The following JPH3 variants were observed in gnomAD, a reference collection of about 807,000 sequenced individuals.
JPH3 encodes the protein junctophilin 3.
JPH3 carries 11 observed loss-of-function variants against 59.6 expected under a neutral mutation model. The observed-to-expected ratio is 0.18, with a 90% confidence interval of 0.12 to 0.31. The LOEUF (loss-of-function observed/expected upper bound fraction) is 0.31. JPH3 is among the 10% of genes least tolerant of loss of function. The probability of loss-of-function intolerance (pLI) is 1.00; values close to 1 mark genes in which losing one functional copy is unlikely to be tolerated. For synonymous variants in JPH3, 673 were observed against 483.6 expected (o/e 1.39, Z -5.14); for missense variants, 1,202 against 1,105.7 (o/e 1.09, Z -1.24).
At chr16:87,604,543 C>A (rs529160036) in intron 1 of JPH3, 1 of 1,257,806 alleles carries the variant, frequency 8.0e-7, no homozygotes, top group South Asian at 1.5e-5. Flanking sequence ...TCGGGCGGCT[C>A]GCCTGTTTCA....
At chr16:87,647,028 G>A in intron 2 of JPH3, among the ~76,000 whole-genome samples, 1 of 152,326 alleles carries the variant, frequency 6.6e-6, no homozygotes, top group Middle Eastern at 3.4e-3. Context: ...TCCAAGGCAG[G>A]TTGTCAGCCT....
chr16:87,604,136 G>C (rs2030387978), intron 1 of JPH3: 3 of 1,350,342 alleles, frequency 2.2e-6, no homozygotes, highest in Non-Finnish European at 2.9e-6. Flanking sequence ...CTGGAGGGAG[G>C]AGGGAGGCCC....
chr16:87,661,701 C>G (rs950197943), intron 2 of JPH3, among the ~76,000 whole-genome samples: 6 of 152,226 alleles, frequency 3.9e-5, no homozygotes, highest in Non-Finnish European at 7.3e-5. Context: ...AAGACCCGTC[C>G]AAGAGCAGGG....
chr16:87,673,081 G>A (rs1293644111), intron 2 of JPH3, among the ~76,000 whole-genome samples: 3 of 152,062 alleles, frequency 2.0e-5, no homozygotes, highest in African/African-American at 7.2e-5. Flanking sequence ...AGGAGGCGGA[G>A]GTTGCAGTGG....
intron 2 of JPH3, among the ~76,000 whole-genome samples, chr16:87,679,202 G>T (rs1052570856): frequency 6.6e-6 from 1 of 152,132 alleles, no homozygotes; most frequent in Admixed American, 6.5e-5. Flanking sequence ...GGACCTGCCC[G>T]TGGCCTGGAC....
chr16:87,676,098 T>A (rs1238466104), intron 2 of JPH3, among the ~76,000 whole-genome samples: 1 of 152,254 alleles, frequency 6.6e-6, no homozygotes, highest in Non-Finnish European at 1.5e-5. Context: ...TCAGTAAATG[T>A]GCTAAAAACC....
In JPH3 at chr16:87,671,041, C is replaced by T. The variant is rs536223974; in HGVS notation, c.1161-13101C>T. ...CTGGGGCTGTGGCCCGTACAGTCGC[C>T]CGGGACCCATGCCCAGCAGGGCCCT... On this transcript the variant is annotated intron_variant, in intron 2 of 4. Coordinates refer to ENST00000284262, the MANE Select transcript of JPH3 (RefSeq NM_020655.4). Among the ~76,000 whole-genome samples the T allele has an allele frequency of 1.1e-3, 163 of 152,308 alleles. 1 individual carries two copies. Among genetic ancestry groups the T allele is most frequent in the Non-Finnish European group, 1.9e-3 (131 of 68,004 alleles).
intron 2 of JPH3, among the ~76,000 whole-genome samples, chr16:87,675,024 A>C (rs1204285107): frequency 1.3e-5 from 2 of 152,140 alleles, no homozygotes; most frequent in Non-Finnish European, 2.9e-5. Flanking sequence ...GGCCTCCCAA[A>C]GTGCTGGGAT....
rs145277780 is a variant in JPH3, at chr16:87,672,555, T to C, written c.1161-11587T>C. Among the ~76,000 whole-genome samples, 105 of 152,246 alleles carry C rather than the reference T, an allele frequency of 6.9e-4. 1 individual carries two copies. The highest frequency in any genetic ancestry group is 2.4e-3 in the African/African-American group (100 of 41,552). The stretch of plus-strand genomic sequence containing the variant: ...GCCGTCCATCACTTTCATCCTGTAT[T>C]GGGGGAGAACGGGGCTTGCTTGAGG... On this transcript the variant is annotated intron_variant, in intron 2 of 4. Coordinates refer to ENST00000284262, the MANE Select transcript of JPH3 (RefSeq NM_020655.4).
chr16:87,678,172 T>C (rs1277985251), intron 2 of JPH3, among the ~76,000 whole-genome samples: 1 of 152,082 alleles, frequency 6.6e-6, no homozygotes, highest in Non-Finnish European at 1.5e-5. Flanking sequence ...GCCCAGGAGT[T>C]CAAGACTGTG....
chr16:87,651,918 C>T (rs1251089885), intron 2 of JPH3, among the ~76,000 whole-genome samples: 1 of 152,126 alleles, frequency 6.6e-6, no homozygotes, highest in Non-Finnish European at 1.5e-5. Context: ...TCACATGCTA[C>T]AGAGAAATCT....
intron 1 of JPH3, among the ~76,000 whole-genome samples, chr16:87,622,811 C>T (rs926909492): frequency 6.6e-6 from 1 of 152,056 alleles, no homozygotes; most frequent in South Asian, 2.1e-4. Flanking sequence ...GGAGCGTGGG[C>T]TGGGGCTGGG....
chr16:87,603,056 C>T lies in JPH3; in HGVS notation c.-91C>T, dbSNP rs2030318773. 3.2e-6 allele frequency: 5 copies of T among 1,540,864 alleles called. No individual in the cohort carries two copies. Among genetic ancestry groups the T allele is most frequent in the East Asian group, 4.6e-5 (2 of 43,224 alleles). On this transcript the variant is annotated 5_prime_UTR_variant, in exon 1 of 5. Coordinates refer to ENST00000284262, the MANE Select transcript of JPH3 (RefSeq NM_020655.4). Reference sequence around the variant, plus strand: ...CCTCCTCTCCTCCGGAAAACGCTCGCGACCCAGGGCCGCCGGCGGCCGCGA... The same window carrying T: ...CCTCCTCTCCTCCGGAAAACGCTCGTGACCCAGGGCCGCCGGCGGCCGCGA...
intron 1 of JPH3, among the ~76,000 whole-genome samples, chr16:87,610,033 G>A (rs1168529697): frequency 6.6e-6 from 1 of 152,216 alleles, no homozygotes; most frequent in Non-Finnish European, 1.5e-5. Context: ...GATAGTGACA[G>A]ATCATCGGAC....
intron 1 of JPH3, among the ~76,000 whole-genome samples, chr16:87,608,567 AGG>A (rs1462865269): frequency 9.9e-5 from 15 of 152,092 alleles, no homozygotes; most frequent in Admixed American, 3.3e-4. Flanking sequence ...AGAGGAGAGG[AGG>A]AGAGAAGAGA....
intron 1 of JPH3, among the ~76,000 whole-genome samples, chr16:87,610,424 G>A (rs1005927341): frequency 1.3e-5 from 2 of 152,186 alleles, no homozygotes; most frequent in Admixed American, 6.5e-5. Context: ...TATGGGAAGC[G>A]GTTTGTGTCC....
intron 1 of JPH3, among the ~76,000 whole-genome samples, chr16:87,627,290 T>G (rs1054774367): frequency 2.0e-5 from 3 of 152,244 alleles, no homozygotes; most frequent in African/African-American, 7.2e-5. Flanking sequence ...GAAAATCTGC[T>G]GCAGAGCCTG....
At chr16:87,607,793 A>G (rs983597700) in intron 1 of JPH3, among the ~76,000 whole-genome samples, 1 of 152,234 alleles carries the variant, frequency 6.6e-6, no homozygotes, top group Non-Finnish European at 1.5e-5. Flanking sequence ...AATCAGGTTC[A>G]TTGGTGCGGA....
intron 3 of JPH3, among the ~76,000 whole-genome samples, chr16:87,688,577 C>G (rs2033475679): frequency 6.6e-6 from 1 of 152,136 alleles, no homozygotes; most frequent in South Asian, 2.1e-4. Flanking sequence ...GGCAGTGGCT[C>G]TTGGTGTCCG....
Sources: gnomAD v4.1 joint callset for allele counts (sites outside exome capture counted in the v4.1 genomes callset) on GRCh38, gnomAD v4.1.1 for gene constraint, MANE v1.5 for transcripts, NCBI Gene and HGNC (gene_info 2026-07-23, HGNC 2026-07-21) for gene names.